Variants in BTRC observed in about 807,000 individuals in gnomAD.
The protein encoded by BTRC is beta-transducin repeat containing E3 ubiquitin protein ligase.
In BTRC, 42 loss-of-function variants were observed where a neutral mutation model predicts 85.5. The observed-to-expected ratio is 0.49, with a 90% CI of 0.38 to 0.64. The LOEUF (loss-of-function observed/expected upper bound fraction) is 0.64, where lower values mean the gene tolerates loss of function less well. Ranked by LOEUF, BTRC falls within the 30% of genes least tolerant of loss-of-function variation. BTRC has a pLI of 0.00. For missense variants in BTRC, 594 were observed against 743.5 expected (o/e 0.80, Z 2.34); for synonymous variants, 255 against 263.3 (o/e 0.97, Z 0.30).
chr10:101,510,764 A>G (rs1452621767), intron 4 of BTRC, among the ~76,000 whole-genome samples: 1 of 152,162 alleles, frequency 6.6e-6, no homozygotes, highest in Non-Finnish European at 1.5e-5. Flanking sequence ...AAATAAATGT[A>G]TATTATGACC....
chr10:101,376,969 T>G (rs1274051278), intron 1 of BTRC, among the ~76,000 whole-genome samples: 1 of 152,214 alleles, frequency 6.6e-6, no homozygotes, highest in Non-Finnish European at 1.5e-5. Flanking sequence ...TGGATTTTTC[T>G]TAATGTACAC....
chr10:101,541,442 A>G (rs2062467319), intron 13 of BTRC, among the ~76,000 whole-genome samples: 1 of 151,900 alleles, frequency 6.6e-6, no homozygotes, highest in African/African-American at 2.4e-5. Context: ...TGTATTTTTT[A>G]GTAGAGACGG....
At chr10:101,479,883 G>A (rs1193413956) in intron 4 of BTRC, among the ~76,000 whole-genome samples, 1 of 152,190 alleles carries the variant, frequency 6.6e-6, no homozygotes, top group African/African-American at 2.4e-5. Flanking sequence ...AGTGGCTAAT[G>A]TTGGAAATAC....
intron 13 of BTRC, among the ~76,000 whole-genome samples, chr10:101,548,402 T>C (rs2062591941): frequency 6.6e-6 from 1 of 152,194 alleles, no homozygotes; most frequent in African/African-American, 2.4e-5. Flanking sequence ...TAAAAAAGAA[T>C]GAACTACTGT....
At chr10:101,418,622 T>C (rs1180004373) in intron 1 of BTRC, among the ~76,000 whole-genome samples, 3 of 112,792 alleles carry the variant, frequency 2.7e-5, no homozygotes, top group Non-Finnish European at 6.9e-5. Flanking sequence ...TCACATCTGC[T>C]TTTTTTTTGC....
At chr10:101,473,831 C>G (rs1454703272) in intron 3 of BTRC, among the ~76,000 whole-genome samples, 1 of 152,118 alleles carries the variant, frequency 6.6e-6, no homozygotes, top group Non-Finnish European at 1.5e-5. Context: ...CTCCTGAGCT[C>G]AAGCTATCCT....
intron 1 of BTRC, among the ~76,000 whole-genome samples, chr10:101,364,426 G>A (rs1280502336): frequency 1.3e-5 from 2 of 152,180 alleles, no homozygotes; most frequent in East Asian, 3.8e-4. Flanking sequence ...ATTTGTAACA[G>A]AATTTGAACT....
intron 11 of BTRC, 143 bp from the exon 12 acceptor site, chr10:101,536,400 C>T (rs767944462): frequency 3.0e-5 from 16 of 525,374 alleles, no homozygotes; most frequent in Non-Finnish European, 5.5e-5. Context: ...AAATAAATTA[C>T]ATTGAAAGCA....
chr10:101,406,443 C>T (rs1163135762), intron 1 of BTRC, among the ~76,000 whole-genome samples: 1 of 148,102 alleles, frequency 6.8e-6, no homozygotes, highest in Admixed American at 6.8e-5. Flanking sequence ...GGATTACAGG[C>T]GTGAGCCACT....
Position 101,531,290 on chromosome 10 carries a change from CT to C in BTRC, c.802del (p.Tyr268IlefsTer15). The stretch of plus-strand genomic sequence containing the variant: ...CCTGACGGGAATGCTCCTCCCAACT[CT>C]TTTTATAGAGCACTTTATCCTAAAA... ...KPPDGNAPPN[S>X]FYRALYPKII... On this transcript the variant is annotated frameshift_variant, in exon 7 of 15. Coordinates refer to ENST00000370187, the MANE Select transcript of BTRC (RefSeq NM_033637.4). LOFTEE classifies it high-confidence loss of function. The C allele has an allele frequency of 1.2e-6, 2 of 1,611,484 alleles. No homozygotes were observed. Among genetic ancestry groups the C allele is most frequent in the Non-Finnish European group, 1.7e-6 (2 of 1,177,654 alleles).
At chr10:101,473,933 C>A (rs1451429590) in intron 3 of BTRC, among the ~76,000 whole-genome samples, 1 of 152,090 alleles carries the variant, frequency 6.6e-6, no homozygotes, top group Non-Finnish European at 1.5e-5. Context: ...CTTTTCAGTT[C>A]TAGAATTTCT....
chr10:101,498,965 C>T (rs982759445), intron 4 of BTRC, among the ~76,000 whole-genome samples: 2 of 151,886 alleles, frequency 1.3e-5, no homozygotes, highest in Non-Finnish European at 2.9e-5. Flanking sequence ...TGCACTCCAG[C>T]CTGGGCAACA....
chr10:101,402,066 A>G (rs994937617), intron 1 of BTRC, among the ~76,000 whole-genome samples: 3 of 152,170 alleles, frequency 2.0e-5, no homozygotes, highest in African/African-American at 7.2e-5. Flanking sequence ...AAAAAAGTCT[A>G]TATTAATTTG....
At chr10:101,367,006 T>TTTTATATATATTTA (rs1942466060) in intron 1 of BTRC, among the ~76,000 whole-genome samples, 1 of 40,124 alleles carries the variant, frequency 2.5e-5, no homozygotes, top group Non-Finnish European at 6.2e-5. Context: ...ATATATATAT[T>TTTTATATATATTTA]TATATATATA....
chr10:101,552,333 C>T (rs1308931941), intron 14 of BTRC, among the ~76,000 whole-genome samples: 1 of 150,734 alleles, frequency 6.6e-6, no homozygotes, highest in Non-Finnish European at 1.5e-5. Flanking sequence ...GGGCACACAA[C>T]ACCATGACCA....
chr10:101,368,321 G>A (rs748688839), intron 1 of BTRC, among the ~76,000 whole-genome samples: 7 of 152,156 alleles, frequency 4.6e-5, no homozygotes, highest in Non-Finnish European at 8.8e-5. Context: ...AGGAGCAGAT[G>A]CTAGCACCAT....
In BTRC at chr10:101,380,678, CTAAGTA is replaced by C. The variant is rs536101052; in HGVS notation, c.48+26456_48+26461del. Among the ~76,000 whole-genome samples, 11 of 152,208 alleles carry C rather than the reference CTAAGTA, an allele frequency of 7.2e-5. No individual in the cohort carries two copies. The South Asian group carries it at 1.0e-3, about 14-fold the overall frequency. Reference sequence around the variant, plus strand: ...GACACTTATTTTTCCATTTCCTTGTCTAAGTATAAGTGATTGAAACCACTATTGGCA... The same window carrying C: ...GACACTTATTTTTCCATTTCCTTGTCTAAGTGATTGAAACCACTATTGGCA... On this transcript the variant is annotated intron_variant, in intron 1 of 14. Coordinates refer to ENST00000370187, the MANE Select transcript of BTRC (RefSeq NM_033637.4).
chr10:101,451,721 A>G (rs1944959289), intron 2 of BTRC, among the ~76,000 whole-genome samples: 1 of 152,168 alleles, frequency 6.6e-6, no homozygotes. Flanking sequence ...TAGGCACCGT[A>G]TGGCAGAGGG....
intron 1 of BTRC, among the ~76,000 whole-genome samples, chr10:101,357,460 A>G (rs1942074370): frequency 6.6e-6 from 1 of 151,472 alleles, no homozygotes; most frequent in South Asian, 2.1e-4. Flanking sequence ...AAAAAAAAAA[A>G]AGGAAGCTAT....
Sources: gnomAD v4.1 joint callset for allele counts (sites outside exome capture counted in the v4.1 genomes callset) on GRCh38, gnomAD v4.1.1 for gene constraint, MANE v1.5 for transcripts, NCBI Gene and HGNC (gene_info 2026-07-23, HGNC 2026-07-21) for gene names.